The following UBE2E2 variants were observed in gnomAD, a reference collection of about 807,000 sequenced individuals.
UBE2E2 encodes ubiquitin-conjugating enzyme E2 E2.
Under a neutral mutation model 24.7 loss-of-function variants are expected in UBE2E2, and 6 were observed. The ratio of observed to expected loss-of-function variants is 0.24; its 90% CI spans 0.13 to 0.48. The LOEUF (loss-of-function observed/expected upper bound fraction) is 0.48. UBE2E2 is among the 20% of genes least tolerant of loss of function. UBE2E2 has a pLI of 0.99. For synonymous variants in UBE2E2, 104 were observed against 83.6 expected (o/e 1.24, Z -1.33); for missense variants, 169 against 245.0 (o/e 0.69, Z 2.07).
chr3:23,245,486 C>A (rs1488411850), intron 3 of UBE2E2, among the ~76,000 whole-genome samples: 1 of 151,980 alleles, frequency 6.6e-6, no homozygotes, highest in Non-Finnish European at 1.5e-5. Context: ...TGAATGGAAA[C>A]CCTTAAAGGA....
At chr3:23,203,639 A>T (rs1286494731) in intron 1 of UBE2E2, among the ~76,000 whole-genome samples, 175 bp downstream of exon 1, 4 of 56,660 alleles carry the variant, frequency 7.1e-5, no homozygotes, top group Non-Finnish European at 1.0e-4. Context: ...CCCTCCCGCG[A>T]GCCTCCTGCC....
intron 2 of UBE2E2, among the ~76,000 whole-genome samples, 191 bp downstream of exon 2, chr3:23,209,066 TG>T (rs2125316200): frequency 6.6e-6 from 1 of 152,356 alleles, no homozygotes; most frequent in African/African-American, 2.4e-5. Context: ...GTCAGTTAAA[TG>T]GCAAGGCAAA....
At chr3:23,359,098 C>T (rs1352269021) in intron 3 of UBE2E2, among the ~76,000 whole-genome samples, 1 of 152,160 alleles carries the variant, frequency 6.6e-6, no homozygotes, top group African/African-American at 2.4e-5. Context: ...AACTATTCAA[C>T]ATCATGAACA....
intron 3 of UBE2E2, among the ~76,000 whole-genome samples, chr3:23,309,665 A>C (rs1375287466): frequency 6.6e-6 from 1 of 152,132 alleles, no homozygotes; most frequent in South Asian, 2.1e-4. Context: ...ATATATATAT[A>C]ATCTTTGTCA....
Position 23,203,430 on chromosome 3 carries a change from C to T in UBE2E2, c.-43C>T, listed in dbSNP as rs1363423758. 3.1e-6 allele frequency: 3 copies of T among 980,380 alleles called. No homozygotes were observed. The highest frequency in any genetic ancestry group is 3.6e-6 in the Non-Finnish European group (3 of 828,832). 60.7% of individuals were successfully genotyped at this position (980,380 alleles called of 1,614,324 possible). The stretch of plus-strand genomic sequence containing the variant: ...GCAGCTCTCTCCCAGGGCTTCGGCT[C>T]GAGCCTGCGACCTGCACGGACACCC... On this transcript the variant is annotated 5_prime_UTR_variant, in exon 1 of 6. Transcript: ENST00000396703.
chr3:23,575,511 A>C (rs1188778943), intron 5 of UBE2E2, among the ~76,000 whole-genome samples: 2 of 152,192 alleles, frequency 1.3e-5, no homozygotes, highest in East Asian at 3.8e-4. Context: ...ACATGAACAA[A>C]ATACTCACAG....
intron 4 of UBE2E2, among the ~76,000 whole-genome samples, chr3:23,522,000 G>C (rs1007623447): frequency 2.0e-5 from 3 of 150,082 alleles, no homozygotes; most frequent in African/African-American, 7.4e-5. Context: ...TTAGATACCA[G>C]GTTATCTTTA....
chr3:23,585,685 G>A (rs117455478), intron 5 of UBE2E2, among the ~76,000 whole-genome samples: 3 of 152,046 alleles, frequency 2.0e-5, no homozygotes, highest in Non-Finnish European at 2.9e-5. Context: ...GATAAATTTT[G>A]TGGCTTTTCT....
chr3:23,349,207 G>C (rs1695651899), intron 3 of UBE2E2, among the ~76,000 whole-genome samples: 1 of 152,058 alleles, frequency 6.6e-6, no homozygotes, highest in Admixed American at 6.5e-5. Context: ...CTCATGAAAA[G>C]CCATCCTGGA....
At chr3:23,430,553 G>A (rs996609078) in intron 3 of UBE2E2, among the ~76,000 whole-genome samples, 1 of 151,894 alleles carries the variant, frequency 6.6e-6, no homozygotes, top group African/African-American at 2.4e-5. Context: ...CTTTGAGACA[G>A]GGTCTCACTC....
chr3:23,373,637 G>A (rs557479292), intron 3 of UBE2E2, among the ~76,000 whole-genome samples: 1 of 152,294 alleles, frequency 6.6e-6, no homozygotes, highest in East Asian at 1.9e-4. Context: ...GCCTTGCTTA[G>A]GTGAATGGGG....
intron 3 of UBE2E2, among the ~76,000 whole-genome samples, chr3:23,264,698 G>A (rs1272240338): frequency 6.6e-6 from 1 of 152,202 alleles, no homozygotes; most frequent in Admixed American, 6.5e-5. Context: ...GAAATGGATG[G>A]CCTGTACATT....
At chr3:23,558,216 A>C (rs1453020173) in intron 5 of UBE2E2, among the ~76,000 whole-genome samples, 1 of 152,122 alleles carries the variant, frequency 6.6e-6, no homozygotes, top group Non-Finnish European at 1.5e-5. Context: ...TCTCAAACTT[A>C]ACATAATTGA....
chr3:23,237,222 G>A (rs956538192), intron 3 of UBE2E2, among the ~76,000 whole-genome samples: 2 of 152,182 alleles, frequency 1.3e-5, no homozygotes, highest in Admixed American at 1.3e-4. Flanking sequence ...TGATGCTGTT[G>A]TTGCTGTTTA....
At chr3:23,353,802 C>T (rs915500748) in intron 3 of UBE2E2, among the ~76,000 whole-genome samples, 74 of 143,530 alleles carry the variant, frequency 5.2e-4, no homozygotes, top group Admixed American at 8.1e-4. Context: ...GTGAAAATGG[C>T]CATACTGTCC....
At chr3:23,328,662 C>CTTTTTTTT (rs11433089) in intron 3 of UBE2E2, among the ~76,000 whole-genome samples, 1 of 145,430 alleles carries the variant, frequency 6.9e-6, no homozygotes, top group Non-Finnish European at 1.5e-5. Context: ...CTCTCTCTCT[C>CTTTTTTTT]TTTTTTTTTT....
intron 3 of UBE2E2, among the ~76,000 whole-genome samples, chr3:23,461,008 G>C (rs1230977897): frequency 6.6e-6 from 1 of 152,158 alleles, no homozygotes; most frequent in Non-Finnish European, 1.5e-5. Context: ...TAAGGAAACA[G>C]ACTTCACACT....
intron 3 of UBE2E2, among the ~76,000 whole-genome samples, chr3:23,469,974 G>T (rs116021465): frequency 0.011 from 1,662 of 152,272 alleles, 22 homozygotes; most frequent in African/African-American, 0.036. Flanking sequence ...CAACCATGTT[G>T]GCAAATATTT....
At chr3:23,438,564 T>C (rs1356185291) in intron 3 of UBE2E2, among the ~76,000 whole-genome samples, 3 of 152,240 alleles carry the variant, frequency 2.0e-5, no homozygotes, top group Admixed American at 2.0e-4. Context: ...TTTTATTAGT[T>C]GGTCCTAAGT....
Sources: allele counts gnomAD v4.1 joint callset (sites outside exome capture counted in the v4.1 genomes callset), GRCh38; gene constraint gnomAD v4.1.1; transcripts MANE v1.5; gene names NCBI Gene and HGNC (gene_info 2026-07-23, HGNC 2026-07-21).